WIPF1: variants seen among roughly 807,000 people sequenced by gnomAD.
WIPF1 encodes the protein WAS/WASL-interacting protein family member 1.
A neutral mutation model predicts 35.4 loss-of-function variants in WIPF1; 13 were observed. That is an observed-to-expected ratio of 0.37 (90% confidence interval 0.24 to 0.58). The LOEUF (loss-of-function observed/expected upper bound fraction) is 0.58. Ranked by LOEUF, WIPF1 falls within the 20% of genes least tolerant of loss-of-function variation. The pLI, the probability that WIPF1 is intolerant of heterozygous loss-of-function variation, is 0.74. For missense variants in WIPF1, 591 were observed against 667.0 expected (o/e 0.89, Z 1.25); for synonymous variants, 267 against 266.3 (o/e 1.00, Z -0.02).
At chr2:174,595,536 A>G (rs1037991948) in intron 1 of WIPF1, among the ~76,000 whole-genome samples, 1 of 152,262 alleles carries the variant, frequency 6.6e-6, no homozygotes, top group East Asian at 1.9e-4. Context: ...AGTATTAGCC[A>G]TTTTCAAAAA....
At chr2:174,566,841 C>A in intron 7 of WIPF1, 1 of 446,642 alleles carries the variant, frequency 2.2e-6, no homozygotes, top group Non-Finnish European at 4.0e-6. Flanking sequence ...ACTAGCAAAC[C>A]ACGGTATTTT....
chr2:174,579,836 G>C (rs1271758204), intron 3 of WIPF1, among the ~76,000 whole-genome samples: 2 of 152,242 alleles, frequency 1.3e-5, no homozygotes, highest in African/African-American at 4.8e-5. Context: ...CCATGATTCA[G>C]ATGGCTATTG....
chr2:174,665,897 G>A (rs906569349), intron 1 of WIPF1, among the ~76,000 whole-genome samples: 1 of 152,200 alleles, frequency 6.6e-6, no homozygotes, highest in African/African-American at 2.4e-5. Flanking sequence ...CATTCAAGTG[G>A]AGGAATGGGG....
rs1442348349 is a variant in WIPF1, at chr2:174,590,593, T to C, written c.-38-4982A>G. On this transcript the variant is annotated intron_variant, in intron 1 of 7. Coordinates refer to ENST00000679041, the MANE Select transcript of WIPF1 (RefSeq NM_001375834.1). This position sits in a 1 kb window ranked among gnomAD's most constrained non-coding sequence, Gnocchi z 4.6. ...GGAGAGACGCAAGAAGGGAAGGGACTCAGCAGCAGTTTCCCAGTGTGGTCA... is the reference window on the plus strand; with the variant it reads ...GGAGAGACGCAAGAAGGGAAGGGACCCAGCAGCAGTTTCCCAGTGTGGTCA... Among the ~76,000 whole-genome samples the C allele has an allele frequency of 6.6e-6, 1 of 152,104 alleles. No individual in the cohort carries two copies. The highest frequency in any genetic ancestry group is 2.4e-5 in the African/African-American group (1 of 41,398).
At chr2:174,665,487 G>A (rs1297464143) in intron 1 of WIPF1, 1 of 152,208 alleles carries the variant, frequency 6.6e-6, no homozygotes. Flanking sequence ...TGTGTCACTG[G>A]ATCTCCTGCA....
chr2:174,585,423 C>T (rs1685378853), intron 2 of WIPF1, 100 bp downstream of exon 2: 3 of 1,251,620 alleles, frequency 2.4e-6, no homozygotes, highest in South Asian at 1.2e-5. Context: ...CACATGTGAG[C>T]CAGAATGCAA....
chr2:174,631,828 C>A (rs769595649), intron 1 of WIPF1, among the ~76,000 whole-genome samples: 5 of 152,206 alleles, frequency 3.3e-5, no homozygotes, highest in African/African-American at 9.6e-5. Flanking sequence ...TCCCCACTAG[C>A]ATGAATGTTT....
intron 1 of WIPF1, among the ~76,000 whole-genome samples, chr2:174,588,114 C>T (rs997760316): frequency 1.3e-5 from 2 of 152,178 alleles, no homozygotes; most frequent in East Asian, 1.9e-4. Flanking sequence ...CCAGCAGGAA[C>T]GAAAGGGATC....
intron 1 of WIPF1, among the ~76,000 whole-genome samples, chr2:174,617,481 T>A (rs1033828302): frequency 6.6e-5 from 10 of 152,232 alleles, no homozygotes; most frequent in African/African-American, 2.4e-4. Context: ...CTACCTGCTG[T>A]CTGCTTAATA....
At chr2:174,615,509 A>C (rs1179294658) in intron 1 of WIPF1, among the ~76,000 whole-genome samples, 2 of 152,232 alleles carry the variant, frequency 1.3e-5, no homozygotes, top group Admixed American at 6.5e-5. Flanking sequence ...GACAAAAGCA[A>C]TTTATGAATT....
At chr2:174,658,760 C>T (rs1038007224) in intron 1 of WIPF1, among the ~76,000 whole-genome samples, 14 of 151,838 alleles carry the variant, frequency 9.2e-5, no homozygotes, top group African/African-American at 3.4e-4. Context: ...GAGCCCCCCA[C>T]AGAAGGCAGG....
chr2:174,621,872 C>A (rs1195444108), intron 1 of WIPF1, among the ~76,000 whole-genome samples: 1 of 152,066 alleles, frequency 6.6e-6, no homozygotes, highest in Non-Finnish European at 1.5e-5. Context: ...CAGTAGCCTA[C>A]CAGGGTGATT....
At chr2:174,629,595 AG>A (rs1414108052) in intron 1 of WIPF1, 2 of 152,254 alleles carry the variant, frequency 1.3e-5, no homozygotes, top group African/African-American at 4.8e-5. Context: ...CTTAGAAAAA[AG>A]TTTTAGGAGA....
intron 1 of WIPF1, among the ~76,000 whole-genome samples, chr2:174,595,548 T>C (rs780208435): frequency 6.6e-6 from 1 of 151,992 alleles, no homozygotes; most frequent in Non-Finnish European, 1.5e-5. Context: ...TTTCAAAAAA[T>C]AAAATAAGCA....
At chr2:174,606,206 G>A (rs1028418862) in intron 1 of WIPF1, among the ~76,000 whole-genome samples, 1 of 152,170 alleles carries the variant, frequency 6.6e-6, no homozygotes, top group East Asian at 1.9e-4. Context: ...TGAGTTACGT[G>A]TGCAATTCTA....
chr2:174,654,342 T>C (rs1687600432), intron 1 of WIPF1, among the ~76,000 whole-genome samples: 1 of 152,228 alleles, frequency 6.6e-6, no homozygotes, highest in African/African-American at 2.4e-5. Context: ...CCCTTTCTTT[T>C]CTTAGGAGTC....
chr2:174,585,553 T>TGGG lies in WIPF1; in HGVS notation c.20_21insCCC (p.Pro7dup). 7.4e-7 allele frequency: 1 copy of TGGG among 1,356,878 alleles called. No individual in the cohort carries two copies. Among genetic ancestry groups the TGGG allele is most frequent in the Non-Finnish European group, 9.9e-7 (1 of 1,005,120 alleles). The allele number at this position is 1,356,878 out of a possible 1,614,324, so 84.1% of individuals were successfully genotyped here. A position where few individuals can be genotyped will look rare whatever the true frequency, so the allele number is the denominator to read the frequency against. On this transcript the variant is annotated inframe_insertion, in exon 2 of 8. Coordinates refer to ENST00000679041, the MANE Select transcript of WIPF1 (RefSeq NM_001375834.1). ...CAAACGTCGGGGGCGGCGGGGGTGC[T>TGGG]GGAGGGGGAGGGACAGGCATCTTGG... is the stretch of plus-strand genomic sequence containing the variant.
intron 1 of WIPF1, among the ~76,000 whole-genome samples, chr2:174,616,602 G>A (rs923782612): frequency 2.6e-5 from 4 of 152,136 alleles, no homozygotes; most frequent in Admixed American, 1.3e-4. Flanking sequence ...GAATCTTTAA[G>A]ATGACCAACA....
chr2:174,586,610 T>C (rs1049044962), intron 1 of WIPF1, among the ~76,000 whole-genome samples: 6 of 152,058 alleles, frequency 3.9e-5, no homozygotes, highest in Non-Finnish European at 5.9e-5. Flanking sequence ...CCTCTCCCCA[T>C]TTCCTCTAAT....
Sources: gnomAD v4.1 joint callset for allele counts (sites outside exome capture counted in the v4.1 genomes callset) on GRCh38, gnomAD v4.1.1 for gene constraint, Gnocchi (gnomAD v3.1) non-coding constraint, MANE v1.5 for transcripts, NCBI Gene and HGNC (gene_info 2026-07-23, HGNC 2026-07-21) for gene names.